The following GDPD3 variants were observed in gnomAD, a reference collection of about 807,000 sequenced individuals.
GDPD3 encodes the protein lysophospholipase D GDPD3.
A neutral mutation model predicts 43.7 loss-of-function variants in GDPD3; 40 were observed. That is an observed-to-expected ratio of 0.91 (90% CI 0.71 to 1.19). The LOEUF (loss-of-function observed/expected upper bound fraction) is 1.19, where lower values mean the gene tolerates loss of function less well. Among genes scored for constraint, GDPD3 ranks in the 50% most tolerant of loss-of-function variants. The pLI is 0.00. For missense variants in GDPD3, 363 were observed against 415.8 expected (o/e 0.87, Z 1.11); for synonymous variants, 145 against 162.9 (o/e 0.89, Z 0.84).
Position 30,112,572 on chromosome 16 carries a change from G to C in GDPD3, c.319-4C>G. ...TCTCCTTGTAGAGGGGCAGGTCCTG[G>C]GGAGGACAGGAAGGATGTCACTAGA... On this transcript the variant is annotated splice_region_variant and splice_polypyrimidine_tract_variant and intron_variant, in intron 3 of 9. Coordinates refer to ENST00000406256, the MANE Select transcript of GDPD3 (RefSeq NM_024307.3). The surrounding 1 kb of genome is among the most constrained non-coding windows in gnomAD (Gnocchi z 5.4). The C allele has an allele frequency of 6.2e-7, 1 of 1,614,166 alleles. No homozygotes were observed. Among genetic ancestry groups the C allele is most frequent in the Middle Eastern group, 1.6e-4 (1 of 6,062 alleles).
intron 9 of GDPD3, among the ~76,000 whole-genome samples, chr16:30,105,461 A>G (rs2072852145): frequency 6.6e-6 from 1 of 151,472 alleles, no homozygotes; most frequent in South Asian, 2.1e-4. Context: ...CGTCTCAAAA[A>G]AAAAAAAAAA....
intron 6 of GDPD3, chr16:30,111,881 C>T (rs890450878): frequency 1.6e-5 from 9 of 564,074 alleles, no homozygotes; most frequent in African/African-American, 3.8e-5. Flanking sequence ...TGCAGTGAGC[C>T]GAGGTCGCAC....
Position 30,112,722 on chromosome 16 carries a change from G to A in GDPD3, c.254C>T (p.Ser85Leu). The A allele has an allele frequency of 6.2e-7, 1 of 1,613,708 alleles. No individual in the cohort carries two copies. ...QLTRDRVVVV[S>L]HDENLCRQSG... is the part of the protein sequence containing the mutation. ...CTGGCGGCACAGGTTCTCATCATGT[G>A]ACACCACCACCACTCTGTCCCGTGT... is the stretch of plus-strand genomic sequence containing the variant. Residue 85 changes from serine to leucine, a missense_variant, in exon 3 of 10, where the codon TCA becomes TTA. By Grantham distance (145) the Ser-to-Leu change is moderately radical (BLOSUM62 -2). Transcript: ENST00000406256. The surrounding 1 kb of genome is among the most constrained non-coding windows in gnomAD (Gnocchi z 5.4).
chr16:30,108,075 A>G (rs2072872608), intron 9 of GDPD3, 138 bp downstream of exon 9: 2 of 648,552 alleles, frequency 3.1e-6, no homozygotes, highest in Non-Finnish European at 2.7e-6. Context: ...AGAGTTAAAT[A>G]TACCATTTTC....
At position 30,113,156 on chromosome 16, in the gene GDPD3, T is replaced by C. The variant is rs1050272723; in HGVS notation, c.140-92A>G. On this transcript the variant is annotated intron_variant, in intron 1 of 9. Transcript: ENST00000406256. The surrounding 1 kb of genome is among the most constrained non-coding windows in gnomAD (Gnocchi z 5.9). Reference sequence around the variant, plus strand: ...CACATTCCCTCTCTGGGCTCCATCCTCCCTCTGGCCTCACCTCCCCAGCCA... The same window carrying C: ...CACATTCCCTCTCTGGGCTCCATCCCCCCTCTGGCCTCACCTCCCCAGCCA... 1.8e-5 allele frequency: 25 copies of C among 1,393,326 alleles called. No homozygotes were observed. The highest frequency in any genetic ancestry group is 4.3e-5 in the African/African-American group (3 of 70,370). 86.3% of individuals were successfully genotyped at this position (1,393,326 alleles called of 1,614,324 possible).
At position 30,104,955 on chromosome 16, in the gene GDPD3, C is replaced by T. The variant is rs2072845767; in HGVS notation, c.874G>A (p.Gly292Arg). The change falls in exon 10 of 10, where the codon GGA becomes AGA. Residue 292 changes from glycine to arginine, a missense_variant. Gly to Arg is a moderately radical substitution (Grantham distance 125, BLOSUM62 -2). Coordinates refer to ENST00000406256, the MANE Select transcript of GDPD3 (RefSeq NM_024307.3). ...ESDFEAAFSV[G>R]ATGVITDYPT... ...TAATCCGTTATGACGCCAGTGGCTCCCACGCTGAAGGCTGCTTCAAAATCC... is the reference window on the plus strand; with the variant it reads ...TAATCCGTTATGACGCCAGTGGCTCTCACGCTGAAGGCTGCTTCAAAATCC... 1.2e-6 allele frequency: 2 copies of T among 1,612,826 alleles called. No homozygotes were observed. Among genetic ancestry groups the T allele is most frequent in the Non-Finnish European group, 1.7e-6 (2 of 1,179,840 alleles).
intron 7 of GDPD3, among the ~76,000 whole-genome samples, chr16:30,108,888 G>A (rs1362046390): frequency 6.6e-6 from 1 of 150,732 alleles, no homozygotes; most frequent in Non-Finnish European, 1.5e-5. Context: ...CTGGAGTGCC[G>A]TGGTGCGATC....
In GDPD3 at chr16:30,112,501, GGCTCGAA is replaced by G. The variant is rs769710666; in HGVS notation, c.364+15_364+21del. ...AGGAAGGCAGGCATGGCCCAGGCAG[GGCTCGAA>G]GCCCTTGCTCTCACCTGGAGAGAAG... On this transcript the variant is annotated intron_variant, in intron 4 of 9. Coordinates refer to ENST00000406256, the MANE Select transcript of GDPD3 (RefSeq NM_024307.3). This position sits in a 1 kb window ranked among gnomAD's most constrained non-coding sequence, Gnocchi z 5.4. 1.9e-6 allele frequency: 3 copies of G among 1,614,116 alleles called. No homozygotes were observed. The South Asian group carries it at 3.3e-5, about 18-fold the overall frequency.
At chr16:30,111,284 G>C in intron 7 of GDPD3, 104 bp downstream of exon 7, 2 of 1,305,018 alleles carry the variant, frequency 1.5e-6, no homozygotes, top group Non-Finnish European at 1.1e-6. Flanking sequence ...AGACCTTGGG[G>C]GTTATCTCTG....
Position 30,112,993 on chromosome 16 carries a change from G to C in GDPD3, c.182+29C>G, listed in dbSNP as rs1247375691. 6.2e-7 allele frequency: 1 copy of C among 1,605,856 alleles called. No homozygotes were observed. Among genetic ancestry groups the C allele is most frequent in the Non-Finnish European group, 8.5e-7 (1 of 1,173,466 alleles). On this transcript the variant is annotated intron_variant, in intron 2 of 9. Transcript: ENST00000406256. This position sits in a 1 kb window ranked among gnomAD's most constrained non-coding sequence, Gnocchi z 5.4. ...TCCACGACCTGCACACCCTCACATG[G>C]CAGCCTGGGCAGGGGCAGATACACT...
chr16:30,109,834 C>CA (rs1455509152), intron 7 of GDPD3, among the ~76,000 whole-genome samples: 1 of 152,064 alleles, frequency 6.6e-6, no homozygotes, highest in African/African-American at 2.4e-5. Context: ...AAAAAACCCA[C>CA]AAAAAACCTC....
chr16:30,112,376 A>G lies in GDPD3; in HGVS notation c.413T>C (p.Leu138Pro). 2 of 1,614,224 alleles carry G rather than the reference A, an allele frequency of 1.2e-6. No individual in the cohort carries two copies. The highest frequency in any genetic ancestry group is 1.7e-5 in the Admixed American group (1 of 60,026). The change falls in exon 5 of 10, where the codon CTG (leucine) becomes CCG (proline). Residue 138 changes from leucine (L) to proline (P), a missense_variant. Leu to Pro is a moderately conservative substitution (Grantham distance 98). Coordinates refer to ENST00000406256, the MANE Select transcript of GDPD3 (RefSeq NM_024307.3). This position sits in a 1 kb window ranked among gnomAD's most constrained non-coding sequence, Gnocchi z 5.4. ...GGGTGTCCTTGGAAACCTCTGGAAC[A>G]GGTCCTCCAGACGAACCATGCGCCG... The part of the protein sequence containing the change: ...SDRRMVRLED[L>P]FQRFPRTPMS...
chr16:30,112,773 T>G lies in GDPD3; in HGVS notation c.203A>C (p.Asp68Ala). ...CAGCTGACAGTCGAGCTCCAGGAGG[T>G]CCGAGCGCTGGGCCATGGAGCTGTG... ...AMENSMAQRS[D>A]LLELDCQLTR... Residue 68 changes from aspartate (D) to alanine (A), a missense_variant, in exon 3 of 10, where the codon GAC becomes GCC. Physicochemically the swap from Asp to Ala is moderately radical, Grantham distance 126 (BLOSUM62 -2). Coordinates refer to ENST00000406256, the MANE Select transcript of GDPD3 (RefSeq NM_024307.3). This position sits in a 1 kb window ranked among gnomAD's most constrained non-coding sequence, Gnocchi z 5.4. 6.2e-7 allele frequency: 1 copy of G among 1,608,822 alleles called. No individual in the cohort carries two copies. Among genetic ancestry groups the G allele is most frequent in the Non-Finnish European group, 8.5e-7 (1 of 1,179,628 alleles).
Position 30,112,309 on chromosome 16 carries a change from A to C in GDPD3, c.480T>G (p.Arg160=). 1 of 1,614,018 alleles carries C rather than the reference A, an allele frequency of 6.2e-7. No homozygotes were observed. Among genetic ancestry groups the C allele is most frequent in the Non-Finnish European group, 8.5e-7 (1 of 1,179,922 alleles). ...CTAGCCCTGCCTGCAGCACCACCTCACGGATGAGCTCTTCGTTCTTCCCTT... is the reference window on the plus strand; with the variant it reads ...CTAGCCCTGCCTGCAGCACCACCTCCCGGATGAGCTCTTCGTTCTTCCCTT... ...EIKGKNEELI[R]EIAGLVRRYD... Residue 160 remains arginine, a synonymous_variant, in exon 5 of 10, where the codon CGT becomes CGG. Coordinates refer to ENST00000406256, the MANE Select transcript of GDPD3 (RefSeq NM_024307.3). The surrounding 1 kb of genome is among the most constrained non-coding windows in gnomAD (Gnocchi z 5.4).
At chr16:30,108,044 T>G in intron 9 of GDPD3, 169 bp downstream of exon 9, 1 of 529,954 alleles carries the variant, frequency 1.9e-6, no homozygotes, top group Admixed American at 3.4e-5. Context: ...TGTGTTCGTG[T>G]GTGTGTGTGT....
chr16:30,113,334 G>C lies in GDPD3; in HGVS notation c.139+6C>G. On this transcript the variant is annotated splice_donor_region_variant and intron_variant, in intron 1 of 9. Coordinates refer to ENST00000406256, the MANE Select transcript of GDPD3 (RefSeq NM_024307.3). The surrounding 1 kb of genome is among the most constrained non-coding windows in gnomAD (Gnocchi z 5.9). The stretch of plus-strand genomic sequence containing the variant: ...TGGCACCTGTTCTCACCCCTACCCG[G>C]CTCACCTCCTCGGTGGGCCCCCAGG... 1 of 1,592,534 alleles carries C rather than the reference G, an allele frequency of 6.3e-7. No individual in the cohort carries two copies. The highest frequency in any genetic ancestry group is 1.1e-5 in the South Asian group (1 of 88,038).
chr16:30,112,285 T>C lies in GDPD3; in HGVS notation c.483+21A>G. ...TCTCTCACGCCCCCGGTGGCCGCCC[T>C]AGCCCTGCCTGCAGCACCACCTCAC... On this transcript the variant is annotated intron_variant, in intron 5 of 9. Coordinates refer to ENST00000406256, the MANE Select transcript of GDPD3 (RefSeq NM_024307.3). The surrounding 1 kb of genome is among the most constrained non-coding windows in gnomAD (Gnocchi z 5.4). 1 of 1,613,480 alleles carries C rather than the reference T, an allele frequency of 6.2e-7. No homozygotes were observed. Among genetic ancestry groups the C allele is most frequent in the South Asian group, 1.1e-5 (1 of 91,066 alleles).
intron 6 of GDPD3, chr16:30,111,848 G>A (rs111849865): frequency 1.4e-4 from 73 of 539,956 alleles, no homozygotes; most frequent in African/African-American, 8.7e-4. Flanking sequence ...CATGAGAATC[G>A]CTTGAACCCA....
At chr16:30,111,252 G>A in intron 7 of GDPD3, 136 bp downstream of exon 7, 1 of 951,198 alleles carries the variant, frequency 1.1e-6, no homozygotes, top group Non-Finnish European at 1.6e-6. Context: ...ATGAATGCTG[G>A]GTAAGAACCA....
Sources: gnomAD v4.1 joint callset for allele counts (sites outside exome capture counted in the v4.1 genomes callset) on GRCh38, gnomAD v4.1.1 for gene constraint, Gnocchi (gnomAD v3.1) non-coding constraint, MANE v1.5 for transcripts, NCBI Gene and HGNC (gene_info 2026-07-23, HGNC 2026-07-21) for gene names.